Variants in FMN1 observed in about 807,000 individuals in gnomAD.
FMN1 encodes the protein formin-1.
FMN1 carries 110 observed loss-of-function variants against 132.4 expected under a neutral mutation model. The ratio of observed to expected loss-of-function variants is 0.83; its 90% confidence interval spans 0.71 to 0.97. FMN1 has a LOEUF of 0.97. Ranked by LOEUF, FMN1 falls within the 50% of genes least tolerant of loss-of-function variation. FMN1 has a pLI of 0.00. For missense variants in FMN1, 1,792 were observed against 1,705.3 expected, an observed-to-expected ratio of 1.05 and a Z score of -0.90; for synonymous variants, 722 against 651.7, an observed-to-expected ratio of 1.11 and a Z score of -1.64.
intron 2 of FMN1, among the ~76,000 whole-genome samples, chr15:33,192,305 T>C (rs992748152): frequency 4.6e-5 from 7 of 152,216 alleles, no homozygotes; most frequent in Admixed American, 4.6e-4. Context: ...TTCCTCTTCC[T>C]CTGGGAACAG....
chr15:32,870,856 T>G (rs944510551), intron 16 of FMN1, among the ~76,000 whole-genome samples: 3 of 152,194 alleles, frequency 2.0e-5, no homozygotes, highest in African/African-American at 7.2e-5. Flanking sequence ...GAATTAAAGA[T>G]GGTAACTCCA....
At chr15:33,157,993 CAAAAAAA>C (rs71756813) in intron 3 of FMN1, among the ~76,000 whole-genome samples, 55,558 of 123,534 alleles carry the variant, frequency 0.45, 11,878 homozygotes, top group Admixed American at 0.55. Flanking sequence ...CCCTGTCTTT[CAAAAAAA>C]AAAAAAAAAA....
At chr15:33,018,573 G>A (rs1352191701) in intron 6 of FMN1, among the ~76,000 whole-genome samples, 1 of 152,152 alleles carries the variant, frequency 6.6e-6, no homozygotes, top group African/African-American at 2.4e-5. Flanking sequence ...AAGAAGAAAT[G>A]TAAGCTCTAC....
chr15:32,998,782 G>C (rs1201066257), intron 7 of FMN1, among the ~76,000 whole-genome samples: 2 of 152,194 alleles, frequency 1.3e-5, no homozygotes, highest in Admixed American at 1.3e-4. Context: ...AATGATTGAA[G>C]GCTGATGGTG....
intron 13 of FMN1, 89 bp from the exon 14 acceptor site, chr15:32,900,214 G>A (rs767201314): frequency 9.2e-6 from 13 of 1,413,102 alleles, no homozygotes; most frequent in Middle Eastern, 1.7e-4. Context: ...GTACTCAATA[G>A]GCTGTCGGGA....
intron 4 of FMN1, among the ~76,000 whole-genome samples, chr15:33,127,136 T>C (rs1404656435): frequency 6.6e-6 from 1 of 151,878 alleles, no homozygotes; most frequent in Non-Finnish European, 1.5e-5. Flanking sequence ...TAACAAGCAG[T>C]AGCAGACTTC....
At chr15:32,898,703 T>G in intron 15 of FMN1, 131 bp downstream of exon 15, 1 of 610,238 alleles carries the variant, frequency 1.6e-6, no homozygotes, top group South Asian at 2.2e-5. Flanking sequence ...TGCTCATCTG[T>G]AAACCACGCT....
chr15:32,857,808 G>A (rs563692782), intron 16 of FMN1, among the ~76,000 whole-genome samples: 1 of 152,210 alleles, frequency 6.6e-6, no homozygotes, highest in African/African-American at 2.4e-5. Flanking sequence ...TTATTGGATA[G>A]TTACGATTTG....
rs530319165 is a variant in FMN1 at position 33,076,459 on chromosome 15, G to C, written c.2044-11385C>G. 7.9e-5 allele frequency among the ~76,000 whole-genome samples: 12 copies of C among 152,182 alleles called. No individual in the cohort carries two copies. The South Asian group carries it at 2.5e-3, about 32-fold the overall frequency. On this transcript the variant is annotated intron_variant, in intron 5 of 20. Transcript: ENST00000616417. Reference sequence around the variant, plus strand: ...TGAGAATATTAGTTCGAACTCCAAAGATCCAGGTATCATTTCAAAATATTT... The same window carrying C: ...TGAGAATATTAGTTCGAACTCCAAACATCCAGGTATCATTTCAAAATATTT...
intron 3 of FMN1, among the ~76,000 whole-genome samples, chr15:33,163,589 T>C (rs1468480415): frequency 8.7e-6 from 1 of 114,532 alleles, no homozygotes; most frequent in Non-Finnish European, 1.8e-5. Flanking sequence ...CTACCATGCC[T>C]GGCTGTTTTG....
At chr15:33,016,774 C>T (rs1467980339) in intron 6 of FMN1, among the ~76,000 whole-genome samples, 1 of 152,188 alleles carries the variant, frequency 6.6e-6, no homozygotes, top group Non-Finnish European at 1.5e-5. Flanking sequence ...CCTTCTTCCC[C>T]GGTGTCCCAC....
chr15:32,845,888 A>G (rs1224631106), intron 17 of FMN1, among the ~76,000 whole-genome samples: 1 of 151,994 alleles, frequency 6.6e-6, no homozygotes, highest in Non-Finnish European at 1.5e-5. Context: ...GTGGTTTCCC[A>G]TGTATGTTAT....
In FMN1 at chr15:32,847,723, C is replaced by T. The variant is rs528479091; in HGVS notation, c.3928+9292G>A. On this transcript the variant is annotated intron_variant, in intron 17 of 20. Transcript: ENST00000616417. The stretch of plus-strand genomic sequence containing the variant: ...ACAAAAACTTAGCCAGGCGTAGTGG[C>T]GGGCACCTGTAGTCCCAGCTACTCG... Among the ~76,000 whole-genome samples the T allele has an allele frequency of 9.9e-5, 15 of 152,218 alleles. 1 individual carries two copies. In the East Asian group the frequency reaches 1.5e-3, roughly 16 times the overall value.
intron 9 of FMN1, among the ~76,000 whole-genome samples, chr15:32,927,379 G>A (rs1386788442): frequency 2.6e-5 from 4 of 152,112 alleles, no homozygotes; most frequent in Non-Finnish European, 5.9e-5. Flanking sequence ...ACCCTCACGA[G>A]TAGCAAGCAC....
chr15:32,902,615 T>C (rs2060324848), intron 12 of FMN1, among the ~76,000 whole-genome samples: 1 of 152,222 alleles, frequency 6.6e-6, no homozygotes, highest in Admixed American at 6.5e-5. Flanking sequence ...CACATAGACA[T>C]AGTTTACAAC....
At chr15:32,775,033 A>G (rs2056372514) in intron 20 of FMN1, among the ~76,000 whole-genome samples, 1 of 152,158 alleles carries the variant, frequency 6.6e-6, no homozygotes, top group Admixed American at 6.6e-5. Flanking sequence ...TATGGTAAGG[A>G]TGGTGTGCCT....
intron 17 of FMN1, among the ~76,000 whole-genome samples, chr15:32,855,479 C>T (rs941436520): frequency 2.0e-5 from 3 of 152,168 alleles, no homozygotes; most frequent in Non-Finnish European, 4.4e-5. Flanking sequence ...TGGGGATTTG[C>T]AAATTGCTTT....
intron 4 of FMN1, among the ~76,000 whole-genome samples, chr15:33,125,894 G>A (rs1335674237): frequency 6.6e-6 from 1 of 151,598 alleles, no homozygotes; most frequent in African/African-American, 2.4e-5. Flanking sequence ...ATTGGCTATA[G>A]CCTATTGAAA....
chr15:33,019,044 C>T (rs1192691138), intron 6 of FMN1, among the ~76,000 whole-genome samples: 2 of 152,182 alleles, frequency 1.3e-5, no homozygotes, highest in African/African-American at 4.8e-5. Flanking sequence ...AGGACCTGAG[C>T]GGGTTACCAC....
Sources: allele counts gnomAD v4.1 joint callset (sites outside exome capture counted in the v4.1 genomes callset), GRCh38; gene constraint gnomAD v4.1.1; transcripts MANE v1.5; gene names NCBI Gene and HGNC (gene_info 2026-07-23, HGNC 2026-07-21).